The following KCNK2 variants were observed in gnomAD, a reference collection of about 807,000 sequenced individuals.
KCNK2 encodes the protein potassium two pore domain channel subfamily K member 2, also known as potassium channel subfamily K member 2.
Under a neutral mutation model 40.5 loss-of-function variants are expected in KCNK2, and 21 were observed. The ratio of observed to expected loss-of-function variants is 0.52; its 90% CI spans 0.37 to 0.75. The LOEUF (loss-of-function observed/expected upper bound fraction) is 0.75, where lower values mean the gene tolerates loss of function less well. Ranked by LOEUF, KCNK2 falls within the 30% of genes least tolerant of loss-of-function variation. KCNK2 has a pLI of 0.00. For missense variants in KCNK2, 399 were observed against 531.6 expected, an observed-to-expected ratio of 0.75 and a Z score of 2.45; for synonymous variants, 191 against 202.2, an observed-to-expected ratio of 0.94 and a Z score of 0.47.
intron 1 of KCNK2, among the ~76,000 whole-genome samples, chr1:215,029,993 G>C (rs947635724): frequency 6.6e-6 from 1 of 152,212 alleles, no homozygotes; most frequent in Non-Finnish European, 1.5e-5. Flanking sequence ...TTGCCAAACT[G>C]TCTTCCAAAG....
At chr1:215,215,182 G>A (rs1665905644) in intron 6 of KCNK2, among the ~76,000 whole-genome samples, 1 of 149,790 alleles carries the variant, frequency 6.7e-6, no homozygotes, top group Admixed American at 6.7e-5. Flanking sequence ...AGATAATGAA[G>A]CTAATGAAGC....
chr1:215,145,414 T>A (rs1042342179), intron 3 of KCNK2, among the ~76,000 whole-genome samples: 1 of 152,200 alleles, frequency 6.6e-6, no homozygotes, highest in Non-Finnish European at 1.5e-5. Flanking sequence ...TTAACTGCTA[T>A]GCTACGTTAC....
At chr1:215,093,362 T>C (rs1447687902) in intron 2 of KCNK2, among the ~76,000 whole-genome samples, 3 of 140,122 alleles carry the variant, frequency 2.1e-5, no homozygotes, top group Non-Finnish European at 4.5e-5. Flanking sequence ...AAAATATACA[T>C]ATATTATATA....
At chr1:215,222,404 A>G (rs1027311591) in intron 6 of KCNK2, among the ~76,000 whole-genome samples, 1 of 152,210 alleles carries the variant, frequency 6.6e-6, no homozygotes, top group African/African-American at 2.4e-5. Context: ...TGAGTGTTTG[A>G]TTTTGCAGCC....
intron 1 of KCNK2, among the ~76,000 whole-genome samples, chr1:215,046,416 C>T (rs972154764): frequency 6.7e-6 from 1 of 149,404 alleles, no homozygotes; most frequent in Non-Finnish European, 1.5e-5. Context: ...CTATATTTGA[C>T]TAAGGTCAAG....
At chr1:215,086,816 T>C (rs1222262507) in intron 2 of KCNK2, 138 bp downstream of exon 2, 5 of 693,198 alleles carry the variant, frequency 7.2e-6, no homozygotes, top group Non-Finnish European at 1.2e-5. Flanking sequence ...AACATATAGC[T>C]CTTTTCCCCA....
At chr1:215,048,275 A>G (rs1402029653) in intron 1 of KCNK2, among the ~76,000 whole-genome samples, 2 of 152,206 alleles carry the variant, frequency 1.3e-5, no homozygotes, top group Non-Finnish European at 2.9e-5. Flanking sequence ...TCATCAGTTC[A>G]GCACTTAACC....
intron 5 of KCNK2, among the ~76,000 whole-genome samples, chr1:215,177,740 A>ATATATTTT (rs71167812): frequency 0.22 from 21,992 of 100,994 alleles, 3,168 homozygotes; most frequent in East Asian, 0.31. Flanking sequence ...ATATATATAT[A>ATATATTTT]TTTTTTTTTT....
intron 5 of KCNK2, among the ~76,000 whole-genome samples, chr1:215,181,377 G>A (rs184388778): frequency 7.7e-4 from 117 of 152,202 alleles, no homozygotes; most frequent in Admixed American, 6.3e-3. Flanking sequence ...TTGGTTTGGG[G>A]CCATTGCTGG....
At chr1:215,101,714 C>T (rs4556330) in intron 2 of KCNK2, among the ~76,000 whole-genome samples, 83,441 of 151,782 alleles carry the variant, frequency 0.55, 25,521 homozygotes, top group Non-Finnish European at 0.68. Context: ...GCATATATGA[C>T]GGTGGTCCAA....
chr1:215,199,566 T>C (rs373132369), intron 6 of KCNK2, among the ~76,000 whole-genome samples: 1 of 152,188 alleles, frequency 6.6e-6, no homozygotes, highest in Non-Finnish European at 1.5e-5. Flanking sequence ...TGGAAACATA[T>C]GCATTTCTGT....
At chr1:215,090,635 G>C (rs1327997235) in intron 2 of KCNK2, among the ~76,000 whole-genome samples, 1 of 152,138 alleles carries the variant, frequency 6.6e-6, no homozygotes, top group African/African-American at 2.4e-5. Flanking sequence ...ATTTATTTCT[G>C]TGTTAGTTGA....
intron 3 of KCNK2, among the ~76,000 whole-genome samples, chr1:215,160,229 A>G (rs1391224193): frequency 1.3e-5 from 2 of 152,204 alleles, no homozygotes; most frequent in Non-Finnish European, 2.9e-5. Flanking sequence ...TGTTTTTCTT[A>G]AGAAATAACA....
intron 3 of KCNK2, among the ~76,000 whole-genome samples, chr1:215,145,009 C>T (rs147683808): frequency 3.0e-4 from 45 of 152,252 alleles, no homozygotes; most frequent in African/African-American, 9.9e-4. Context: ...TCTATGGTTG[C>T]GTATTCTGCA....
At chr1:215,213,536 G>A (rs1395537468) in intron 6 of KCNK2, among the ~76,000 whole-genome samples, 2 of 152,144 alleles carry the variant, frequency 1.3e-5, no homozygotes, top group South Asian at 2.1e-4. Context: ...GCTTGAACCC[G>A]GGAGGCAGAG....
chr1:215,086,642 C>T lies in KCNK2; in HGVS notation c.321C>T (p.Ser107=), dbSNP rs769120476. Residue 107 remains serine (S), a synonymous_variant, in exon 2 of 7, where the codon TCC becomes TCT. Transcript: ENST00000444842. ...AGCAAACATTCATATCCCAACATTC[C>T]TGTGTCAATTCGACGGAGCTGGATG... ...IQKQTFISQH[S]CVNSTELDEL... 1 of 1,614,042 alleles carries T rather than the reference C, an allele frequency of 6.2e-7. No individual in the cohort carries two copies. The highest frequency in any genetic ancestry group is 1.7e-5 in the Admixed American group (1 of 60,008).
chr1:215,133,813 A>AAT (rs1661777038), intron 3 of KCNK2, among the ~76,000 whole-genome samples: 1 of 152,138 alleles, frequency 6.6e-6, no homozygotes, highest in Admixed American at 6.5e-5. Context: ...TTCCAAATGG[A>AAT]AAGGAATTCC....
intron 1 of KCNK2, among the ~76,000 whole-genome samples, chr1:215,046,838 A>G (rs1657788310): frequency 6.6e-6 from 1 of 152,100 alleles, no homozygotes; most frequent in African/African-American, 2.4e-5. Flanking sequence ...CCAAGGAAGT[A>G]TTGAAGTTTG....
chr1:215,025,271 A>C (rs764173055), intron 1 of KCNK2, among the ~76,000 whole-genome samples: 2 of 152,108 alleles, frequency 1.3e-5, no homozygotes, highest in African/African-American at 4.8e-5. Context: ...AGAAAAGCAC[A>C]CTCAATAAAG....
Sources: gnomAD v4.1 joint callset for allele counts (sites outside exome capture counted in the v4.1 genomes callset) on GRCh38, gnomAD v4.1.1 for gene constraint, MANE v1.5 for transcripts, NCBI Gene and HGNC (gene_info 2026-07-23, HGNC 2026-07-21) for gene names.